Variants in XYLB observed in about 807,000 individuals in gnomAD.
The protein encoded by XYLB is xylulose kinase.
Under a neutral mutation model 78.7 loss-of-function variants are expected in XYLB, and 62 were observed. The observed-to-expected ratio is 0.79, with a 90% CI of 0.64 to 0.97. The LOEUF (loss-of-function observed/expected upper bound fraction) is 0.97, where lower values mean the gene tolerates loss of function less well. Ranked by LOEUF, XYLB falls within the 50% of genes least tolerant of loss-of-function variation. XYLB has a pLI of 0.00. For missense variants in XYLB, 687 were observed against 676.8 expected (o/e 1.02, Z -0.17); for synonymous variants, 245 against 247.4 (o/e 0.99, Z 0.09).
At chr3:38,426,559 A>G in the XYLB span, among the ~76,000 whole-genome samples, 1 of 152,242 alleles carries the variant, frequency 6.6e-6, no homozygotes, top group African/African-American at 2.4e-5. Flanking sequence ...AAATGGATCA[A>G]GACACTTGGA....
At chr3:38,371,938 C>G (rs908890486) in intron 9 of XYLB, among the ~76,000 whole-genome samples, 3 of 152,164 alleles carry the variant, frequency 2.0e-5, no homozygotes, top group African/African-American at 7.2e-5. Context: ...CCACACACGG[C>G]TTTTAGTTGG....
intron 10 of XYLB, among the ~76,000 whole-genome samples, chr3:38,373,772 G>A (rs2125598860): frequency 6.6e-6 from 1 of 152,334 alleles, no homozygotes; most frequent in South Asian, 2.1e-4. Context: ...TTATTCACAT[G>A]TTGATTCACT....
chr3:38,409,896 A>G (rs1708500530), intron 18 of XYLB, among the ~76,000 whole-genome samples: 1 of 152,220 alleles, frequency 6.6e-6, no homozygotes, highest in Non-Finnish European at 1.5e-5. Context: ...TTACAAACAA[A>G]TGGAAGAACA....
the XYLB span, among the ~76,000 whole-genome samples, chr3:38,433,159 G>T: frequency 6.6e-6 from 1 of 152,242 alleles, no homozygotes; most frequent in Admixed American, 6.5e-5. Context: ...TGTGGAAGCT[G>T]CCAAGGCTCA....
At chr3:38,415,193 G>A (rs1708747110), downstream of XYLB, among the ~76,000 whole-genome samples, 1 of 152,168 alleles carries the variant, frequency 6.6e-6, no homozygotes, top group African/African-American at 2.4e-5. Flanking sequence ...TAGCAATGGG[G>A]CAACCTTTTC....
At chr3:38,446,638 T>C in the XYLB span, among the ~76,000 whole-genome samples, 8 of 152,322 alleles carry the variant, frequency 5.3e-5, no homozygotes, top group Admixed American at 4.6e-4. Flanking sequence ...AACGAATCTT[T>C]AACAAAGCTG....
downstream of XYLB, among the ~76,000 whole-genome samples, chr3:38,420,743 A>T (rs1708951563): frequency 6.6e-6 from 1 of 151,234 alleles, no homozygotes; most frequent in Admixed American, 6.6e-5. Context: ...TTTGGTAGAG[A>T]TAGGGTTTTG....
At chr3:38,358,357 G>GTGTGTGTGTGTGTGTGTGTGTGT in intron 2 of XYLB, among the ~76,000 whole-genome samples, 1 of 90,126 alleles carries the variant, frequency 1.1e-5, no homozygotes, top group East Asian at 3.7e-4. Flanking sequence ...GTGTGTGTGT[G>GTGTGTGTGTGTGTGTGTGTGTGT]TTTGAGACAG....
chr3:38,433,868 C>T, the XYLB span, among the ~76,000 whole-genome samples: 1 of 152,320 alleles, frequency 6.6e-6, no homozygotes. Flanking sequence ...CTTATAGCAG[C>T]ACCCCCTTCC....
intron 15 of XYLB, among the ~76,000 whole-genome samples, chr3:38,394,749 C>T (rs939258598): frequency 1.3e-5 from 2 of 152,188 alleles, no homozygotes; most frequent in Non-Finnish European, 2.9e-5. Context: ...AGGATATCTC[C>T]TGAGGTTGCA....
At chr3:38,368,278 T>A (rs1178878125) in intron 8 of XYLB, 21 bp downstream of exon 8, 1 of 1,611,654 alleles carries the variant, frequency 6.2e-7, no homozygotes, top group Non-Finnish European at 8.5e-7. Context: ...GGGTATGGGG[T>A]GGGTGCCTGG....
At chr3:38,445,593 G>A in the XYLB span, among the ~76,000 whole-genome samples, 12 of 152,324 alleles carry the variant, frequency 7.9e-5, no homozygotes, top group African/African-American at 2.9e-4. Flanking sequence ...TTCCACTCAT[G>A]GCTACATGGT....
chr3:38,355,812 G>T, intron 2 of XYLB: 1 of 703,538 alleles, frequency 1.4e-6, no homozygotes, highest in Non-Finnish European at 2.6e-6. Flanking sequence ...ACTGCATGGA[G>T]CAGAACTCCC....
rs185866662 is a variant in XYLB at position 38,370,786 on chromosome 3, C to T, written c.765+612C>T. ...GAAAAACATTTACCCATCACAGCGG[C>T]CCCACCCATTTGCAGTGGACACTGG... On this transcript the variant is annotated intron_variant, in intron 9 of 18. Transcript: ENST00000207870. Among the ~76,000 whole-genome samples, 49 of 152,342 alleles carry T rather than the reference C, an allele frequency of 3.2e-4. 1 individual carries two copies. The highest frequency in any genetic ancestry group is 1.5e-3 in the Admixed American group (23 of 15,302).
intron 15 of XYLB, among the ~76,000 whole-genome samples, chr3:38,384,307 C>G (rs866904216): frequency 2.0e-5 from 3 of 152,182 alleles, no homozygotes; most frequent in Non-Finnish European, 4.4e-5. Flanking sequence ...CTCAAATGAT[C>G]CACCTGCCTC....
At chr3:38,421,288 C>A, downstream of XYLB, 1 of 152,480 alleles carries the variant, frequency 6.6e-6, no homozygotes, top group South Asian at 2.0e-4. Flanking sequence ...GAACCTGGGT[C>A]GAATAGTCGC....
Position 38,348,605 on chromosome 3 carries a change from A to G in XYLB, c.113A>G (p.His38Arg). Residue 38 changes from histidine (H) to arginine (R), a missense_variant, in exon 2 of 19, where the codon CAT becomes CGT. Physicochemically the swap from His to Arg is conservative, Grantham distance 29. Coordinates refer to ENST00000207870, the MANE Select transcript of XYLB (RefSeq NM_005108.4). Reference sequence around the variant, plus strand: ...AATGTCTTCTATGAGGAAAGTGTGCATTTTGACAGAGATCTTCCAGAATTT... The same window carrying G: ...AATGTCTTCTATGAGGAAAGTGTGCGTTTTGACAGAGATCTTCCAGAATTT... The part of the protein sequence containing the change: ...ELNVFYEESV[H>R]FDRDLPEFGT... 1 of 1,614,182 alleles carries G rather than the reference A, an allele frequency of 6.2e-7. No homozygotes were observed. Among genetic ancestry groups the G allele is most frequent in the South Asian group, 1.1e-5 (1 of 91,086 alleles).
intron 18 of XYLB, among the ~76,000 whole-genome samples, chr3:38,410,897 A>T (rs897875329): frequency 2.6e-5 from 4 of 152,046 alleles, no homozygotes; most frequent in South Asian, 2.1e-4. Context: ...GCTGGAGAGG[A>T]TGTGGAGAAA....
intron 18 of XYLB, among the ~76,000 whole-genome samples, chr3:38,404,798 G>A (rs1162414775): frequency 2.0e-5 from 3 of 152,204 alleles, no homozygotes; most frequent in Non-Finnish European, 4.4e-5. Flanking sequence ...TGCACCTCCA[G>A]CCTGGGTAAC....
Sources: gnomAD v4.1 joint callset for allele counts (sites outside exome capture counted in the v4.1 genomes callset) on GRCh38, gnomAD v4.1.1 for gene constraint, MANE v1.5 for transcripts, NCBI Gene and HGNC (gene_info 2026-07-23, HGNC 2026-07-21) for gene names.